The following ARHGAP32 variants were observed in gnomAD, a reference collection of about 807,000 sequenced individuals.
ARHGAP32 encodes rho GTPase-activating protein 32.
ARHGAP32 carries 51 observed loss-of-function variants against 186.5 expected under a neutral mutation model. The observed-to-expected ratio is 0.27, with a 90% CI of 0.22 to 0.35. ARHGAP32 has a LOEUF of 0.35. Ranked by LOEUF, ARHGAP32 falls within the 10% of genes least tolerant of loss-of-function variation. The pLI, the probability that ARHGAP32 is intolerant of heterozygous loss-of-function variation, is 1.00. For synonymous variants in ARHGAP32, 950 were observed against 964.3 expected (o/e 0.99, Z 0.27); for missense variants, 2,186 against 2,623.5 (o/e 0.83, Z 3.64).
chr11:129,087,742 G>A (rs1463100086), intron 6 of ARHGAP32, among the ~76,000 whole-genome samples: 2 of 152,114 alleles, frequency 1.3e-5, no homozygotes, highest in Non-Finnish European at 2.9e-5. Context: ...AAAGTTGGGC[G>A]ATAATGATGT....
intron 11 of ARHGAP32, among the ~76,000 whole-genome samples, chr11:129,026,602 T>A (rs1938858202): frequency 1.3e-5 from 2 of 151,908 alleles, no homozygotes; most frequent in Admixed American, 6.6e-5. Flanking sequence ...GAGACCAGCC[T>A]GGCCAATATG....
At chr11:129,103,370 A>T (rs977869400) in intron 5 of ARHGAP32, among the ~76,000 whole-genome samples, 1 of 152,068 alleles carries the variant, frequency 6.6e-6, no homozygotes, top group African/African-American at 2.4e-5. Context: ...TAAGAGAAAA[A>T]AAGAATAAAC....
intron 1 of ARHGAP32, among the ~76,000 whole-genome samples, chr11:129,266,358 T>C (rs1383012101): frequency 6.6e-6 from 1 of 152,130 alleles, no homozygotes; most frequent in Non-Finnish European, 1.5e-5. Context: ...TATATATATA[T>C]GCTCCTAAAC....
At chr11:129,191,602 A>G (rs569779303) in intron 1 of ARHGAP32, among the ~76,000 whole-genome samples, 400 of 151,966 alleles carry the variant, frequency 2.6e-3, no homozygotes, top group African/African-American at 9.1e-3. Flanking sequence ...AAAATAACCA[A>G]TCTGTACTTA....
intron 11 of ARHGAP32, among the ~76,000 whole-genome samples, chr11:129,040,328 G>C (rs991079166): frequency 2.0e-5 from 3 of 151,940 alleles, no homozygotes; most frequent in African/African-American, 7.3e-5. Context: ...GACTTTGTTT[G>C]AATTTTTTTT....
chr11:128,973,170 G>T lies in ARHGAP32; in HGVS notation c.3336C>A (p.Phe1112Leu). ...ACTGCTCTGCTGGTCGATCGGTTTG[G>T]AAATAGGCCTTATCTAGAGCAACTG... ...YSAVALDKAY[F>L]QTDRPAEQFH... Residue 1112 changes from phenylalanine (F) to leucine (L), a missense_variant, in exon 22 of 23, where the codon TTC becomes TTA. Transcript: ENST00000682385. 1.2e-6 allele frequency: 2 copies of T among 1,614,192 alleles called. No individual in the cohort carries two copies. Among genetic ancestry groups the T allele is most frequent in the Non-Finnish European group, 1.7e-6 (2 of 1,180,046 alleles).
upstream of ARHGAP32, among the ~76,000 whole-genome samples, chr11:129,194,381 A>G (rs1944362807): frequency 6.6e-6 from 1 of 152,200 alleles, no homozygotes; most frequent in African/African-American, 2.4e-5. Flanking sequence ...ATTACAGAAT[A>G]CCCATAGAAT....
chr11:129,210,081 T>G (rs1944560953), intron 1 of ARHGAP32, among the ~76,000 whole-genome samples: 1 of 152,178 alleles, frequency 6.6e-6, no homozygotes, highest in Non-Finnish European at 1.5e-5. Context: ...ATTAGGAACA[T>G]TTGCCTAACA....
At chr11:129,231,086 A>G (rs1944853215) in intron 1 of ARHGAP32, among the ~76,000 whole-genome samples, 1 of 152,178 alleles carries the variant, frequency 6.6e-6, no homozygotes, top group African/African-American at 2.4e-5. Context: ...GTGAGCCCAG[A>G]CCACACCAGT....
chr11:129,271,416 G>A (rs1364986545), intron 1 of ARHGAP32, among the ~76,000 whole-genome samples: 1 of 152,138 alleles, frequency 6.6e-6, no homozygotes, highest in African/African-American at 2.4e-5. Flanking sequence ...TGCGCAAGTG[G>A]TGGATGATGA....
chr11:129,136,505 A>G (rs1031846695), intron 2 of ARHGAP32, among the ~76,000 whole-genome samples: 2 of 152,172 alleles, frequency 1.3e-5, no homozygotes, highest in African/African-American at 4.8e-5. Flanking sequence ...ATACCTAAAT[A>G]ACAAAGTAAA....
At chr11:129,034,031 T>C (rs527496121) in intron 11 of ARHGAP32, among the ~76,000 whole-genome samples, 2 of 152,358 alleles carry the variant, frequency 1.3e-5, no homozygotes, top group South Asian at 4.1e-4. Context: ...TTTTTTGTTC[T>C]TCTAAATCGT....
chr11:129,170,968 T>C (rs1213117132), intron 1 of ARHGAP32, among the ~76,000 whole-genome samples: 1 of 152,240 alleles, frequency 6.6e-6, no homozygotes, highest in African/African-American at 2.4e-5. Context: ...AATGTCTTCC[T>C]TTGAGAGGTG....
intron 1 of ARHGAP32, among the ~76,000 whole-genome samples, chr11:129,263,464 T>C (rs1174533077): frequency 6.6e-6 from 1 of 151,208 alleles, no homozygotes; most frequent in Non-Finnish European, 1.5e-5. Context: ...CCAACAAGCA[T>C]ATGAAAAAAT....
chr11:129,109,873 T>C (rs934927556), intron 5 of ARHGAP32, among the ~76,000 whole-genome samples: 6 of 152,142 alleles, frequency 3.9e-5, no homozygotes, highest in African/African-American at 1.2e-4. Flanking sequence ...TTTACAAATA[T>C]TTCCTCCCAC....
intron 10 of ARHGAP32, among the ~76,000 whole-genome samples, chr11:129,059,308 T>C (rs755053444): frequency 7.2e-5 from 11 of 152,062 alleles, no homozygotes; most frequent in Non-Finnish European, 1.5e-4. Flanking sequence ...CTAGAAGCTT[T>C]GTGAAATTAA....
intron 1 of ARHGAP32, among the ~76,000 whole-genome samples, chr11:129,243,079 C>A (rs992751285): frequency 6.6e-6 from 1 of 152,156 alleles, no homozygotes; most frequent in Non-Finnish European, 1.5e-5. Flanking sequence ...CCAATTACCC[C>A]CTACATAGCA....
At chr11:129,071,713 T>C (rs1391982382) in intron 6 of ARHGAP32, among the ~76,000 whole-genome samples, 1 of 152,168 alleles carries the variant, frequency 6.6e-6, no homozygotes, top group Non-Finnish European at 1.5e-5. Flanking sequence ...CACATCTAGA[T>C]ATATATCCTA....
At chr11:129,185,903 T>C (rs936374086) in intron 1 of ARHGAP32, among the ~76,000 whole-genome samples, 2 of 152,030 alleles carry the variant, frequency 1.3e-5, no homozygotes, top group South Asian at 2.1e-4. Context: ...TATGAGAACA[T>C]GGAAATGGAA....
Sources: allele counts gnomAD v4.1 joint callset (sites outside exome capture counted in the v4.1 genomes callset), GRCh38; gene constraint gnomAD v4.1.1; transcripts MANE v1.5; gene names NCBI Gene and HGNC (gene_info 2026-07-23, HGNC 2026-07-21).